Variants in LSAMP observed in about 807,000 individuals in gnomAD.
LSAMP encodes the protein limbic system associated membrane protein, also known as limbic system-associated membrane protein.
A neutral mutation model predicts 38.6 loss-of-function variants in LSAMP; 7 were observed. That is an observed-to-expected ratio of 0.18 (90% CI 0.10 to 0.34). The LOEUF is 0.34. Ranked by LOEUF, LSAMP falls within the 10% of genes least tolerant of loss-of-function variation. The pLI is 1.00. For synonymous variants in LSAMP, 154 were observed against 166.8 expected, an observed-to-expected ratio of 0.92 and a Z score of 0.59; for missense variants, 313 against 420.0, an observed-to-expected ratio of 0.75 and a Z score of 2.23.
chr3:116,135,803 T>A (rs1476379387), intron 1 of LSAMP, among the ~76,000 whole-genome samples: 2 of 152,188 alleles, frequency 1.3e-5, no homozygotes, highest in Non-Finnish European at 2.9e-5. Flanking sequence ...AAGTTTCAAA[T>A]GAGATTGAAG....
At chr3:115,838,803 G>T (rs1185971215) in intron 6 of LSAMP, among the ~76,000 whole-genome samples, 4 of 152,228 alleles carry the variant, frequency 2.6e-5, no homozygotes, top group African/African-American at 9.6e-5. Context: ...GGAAGTGTAT[G>T]TATGCATGTG....
chr3:116,238,299 C>T (rs1026981906), intron 1 of LSAMP, among the ~76,000 whole-genome samples: 1 of 152,160 alleles, frequency 6.6e-6, no homozygotes, highest in Non-Finnish European at 1.5e-5. Flanking sequence ...CTAACCTAAG[C>T]TGTTTTAGTC....
At chr3:116,313,286 T>C (rs2107719616) in intron 1 of LSAMP, among the ~76,000 whole-genome samples, 1 of 152,318 alleles carries the variant, frequency 6.6e-6, no homozygotes. Context: ...CTGATGAAAC[T>C]TTGCTGTCTG....
intron 1 of LSAMP, among the ~76,000 whole-genome samples, chr3:116,155,214 G>GT (rs994910904): frequency 1.3e-4 from 20 of 151,266 alleles, no homozygotes; most frequent in East Asian, 2.0e-4. Flanking sequence ...ATTGAGGTCT[G>GT]TTTTTTTTGT....
rs539919703 is a variant in LSAMP, at chr3:115,911,659, G to C, written c.515-59042C>G. On this transcript the variant is annotated intron_variant, in intron 3 of 6. Coordinates refer to ENST00000490035, the MANE Select transcript of LSAMP (RefSeq NM_002338.5). ...GTGCCTGGCCTACGTATGGGTTTTT[G>C]TGTGACCATAACTCTCTCATTTATT... Among the ~76,000 whole-genome samples, 3 of 152,278 alleles carry C rather than the reference G, an allele frequency of 2.0e-5. No individual in the cohort carries two copies. The South Asian group carries it at 6.2e-4, about 32-fold the overall frequency.
At chr3:115,911,386 C>T (rs1937131219) in intron 3 of LSAMP, among the ~76,000 whole-genome samples, 1 of 152,122 alleles carries the variant, frequency 6.6e-6, no homozygotes, top group Admixed American at 6.5e-5. Context: ...GAGACAGATT[C>T]TCACTCTTTC....
intron 3 of LSAMP, among the ~76,000 whole-genome samples, chr3:115,861,135 TTCCTTCCTTCC>T (rs1935675403): frequency 1.3e-3 from 7 of 5,450 alleles, no homozygotes; most frequent in Admixed American, 2.4e-3. Context: ...CTTTCTTTCC[TTCCTTCCTTCC>T]TTCCTTCCTT....
At chr3:115,840,656 T>G (rs552917357) in intron 6 of LSAMP, among the ~76,000 whole-genome samples, 2 of 152,344 alleles carry the variant, frequency 1.3e-5, no homozygotes, top group Admixed American at 6.5e-5. Flanking sequence ...TAAACGGAGT[T>G]GGATCTTAAA....
chr3:116,373,366 A>G (rs1576172067), intron 1 of LSAMP, among the ~76,000 whole-genome samples: 1 of 151,762 alleles, frequency 6.6e-6, no homozygotes, highest in South Asian at 2.1e-4. Context: ...TATGAGGTAT[A>G]TAGAGTACTC....
At chr3:116,273,400 T>G (rs79664744) in intron 1 of LSAMP, among the ~76,000 whole-genome samples, 2,059 of 151,756 alleles carry the variant, frequency 0.014, 39 homozygotes, top group African/African-American at 0.046. Context: ...GTAAGAAGCA[T>G]TTAAAGAGAG....
chr3:115,857,228 C>T (rs1935535269), intron 3 of LSAMP, among the ~76,000 whole-genome samples: 1 of 152,218 alleles, frequency 6.6e-6, no homozygotes, highest in African/African-American at 2.4e-5. Context: ...CCAGCTGAAT[C>T]TTGAGTCACA....
chr3:116,185,316 T>C (rs1448526818), intron 1 of LSAMP, among the ~76,000 whole-genome samples: 7 of 152,134 alleles, frequency 4.6e-5, no homozygotes, highest in African/African-American at 1.7e-4. Flanking sequence ...TGGGTATTCA[T>C]ACACTTCATA....
At chr3:116,247,288 C>G (rs1449025250) in intron 1 of LSAMP, among the ~76,000 whole-genome samples, 5 of 152,168 alleles carry the variant, frequency 3.3e-5, no homozygotes, top group Non-Finnish European at 7.3e-5. Flanking sequence ...ACAGAGAACT[C>G]ACTACTGTAC....
chr3:115,980,193 A>G (rs1050316292), intron 3 of LSAMP, among the ~76,000 whole-genome samples: 3 of 152,118 alleles, frequency 2.0e-5, no homozygotes, highest in African/African-American at 7.2e-5. Context: ...TCAGACTATT[A>G]ATCCCTTGTC....
At chr3:116,172,165 G>A (rs190096631) in intron 1 of LSAMP, among the ~76,000 whole-genome samples, 1 of 151,814 alleles carries the variant, frequency 6.6e-6, no homozygotes, top group African/African-American at 2.4e-5. Flanking sequence ...CAGGTACTGA[G>A]TAAGTGTCTA....
intron 1 of LSAMP, among the ~76,000 whole-genome samples, chr3:116,290,094 T>A (rs772058204): frequency 1.3e-5 from 2 of 151,374 alleles, no homozygotes; most frequent in Non-Finnish European, 3.0e-5. Flanking sequence ...GTAGAGCTTT[T>A]TGTATCAATC....
chr3:116,028,711 C>T (rs1940849704), intron 2 of LSAMP, among the ~76,000 whole-genome samples: 1 of 151,952 alleles, frequency 6.6e-6, no homozygotes, highest in Admixed American at 6.6e-5. Flanking sequence ...TGGCTTGAGC[C>T]CTCCTAGGAT....
intron 3 of LSAMP, among the ~76,000 whole-genome samples, chr3:115,908,898 G>C (rs1022028655): frequency 3.3e-5 from 5 of 152,126 alleles, no homozygotes; most frequent in Non-Finnish European, 7.4e-5. Context: ...TCAGTCAAGA[G>C]TGACATAAGC....
intron 1 of LSAMP, among the ~76,000 whole-genome samples, chr3:116,316,092 T>C (rs989253390): frequency 6.6e-6 from 1 of 152,170 alleles, no homozygotes; most frequent in Non-Finnish European, 1.5e-5. Context: ...AAGTGAGACA[T>C]CCACAATTCC....
Sources: gnomAD v4.1 joint callset for allele counts (sites outside exome capture counted in the v4.1 genomes callset) on GRCh38, gnomAD v4.1.1 for gene constraint, MANE v1.5 for transcripts, NCBI Gene and HGNC (gene_info 2026-07-23, HGNC 2026-07-21) for gene names.